The following PNPLA8 variants were observed in gnomAD, a reference collection of about 807,000 sequenced individuals.
PNPLA8 encodes patatin like domain 8, phospholipase A2, also known as calcium-independent phospholipase A2-gamma.
In PNPLA8, 39 loss-of-function variants were observed where a neutral mutation model predicts 76.9. The ratio of observed to expected loss-of-function variants is 0.51; its 90% CI spans 0.39 to 0.66. The LOEUF is 0.66. Among genes scored for constraint, PNPLA8 ranks in the 30% least tolerant of loss-of-function variants. The probability of loss-of-function intolerance (pLI) is 0.00; values close to 1 mark genes in which losing one functional copy is unlikely to be tolerated. For synonymous variants in PNPLA8, 301 were observed against 307.9 expected (o/e 0.98, Z 0.24); for missense variants, 887 against 918.0 (o/e 0.97, Z 0.44).
chr7:108,486,550 T>A (rs934423922), intron 9 of PNPLA8, among the ~76,000 whole-genome samples: 1 of 152,012 alleles, frequency 6.6e-6, no homozygotes, highest in African/African-American at 2.4e-5. Flanking sequence ...TTCTGCAAAG[T>A]AAGAAATGGT....
chr7:108,525,709 GCAGA>G (rs1013172239), intron 1 of PNPLA8, among the ~76,000 whole-genome samples: 1 of 152,254 alleles, frequency 6.6e-6, no homozygotes, highest in Non-Finnish European at 1.5e-5. Flanking sequence ...CCAGGGGAAG[GCAGA>G]CAGACTCTGG....
chr7:108,493,696 T>C (rs770676956), intron 7 of PNPLA8, among the ~76,000 whole-genome samples: 3 of 150,642 alleles, frequency 2.0e-5, no homozygotes, highest in East Asian at 2.0e-4. Context: ...ACAATGATAA[T>C]GGATGGGAAG....
chr7:108,505,342 ATATATATATATTTTTTTTTTT>A (rs1862320782), intron 4 of PNPLA8, among the ~76,000 whole-genome samples: 1 of 5,506 alleles, frequency 1.8e-4, no homozygotes, highest in African/African-American at 9.9e-4. Context: ...ATATATATAT[ATATATATATATTTTTTTTTTT>A]TTTTTTTTTT....
intron 4 of PNPLA8, among the ~76,000 whole-genome samples, chr7:108,503,288 G>A (rs1862097130): frequency 6.6e-6 from 1 of 152,174 alleles, no homozygotes; most frequent in East Asian, 1.9e-4. Flanking sequence ...TCTAGCTTCT[G>A]TACACAGAAG....
intron 1 of PNPLA8, among the ~76,000 whole-genome samples, chr7:108,523,205 T>G (rs919930912): frequency 6.6e-6 from 1 of 152,194 alleles, no homozygotes; most frequent in African/African-American, 2.4e-5. Flanking sequence ...AATTGTTAGA[T>G]GGAGACCCAG....
intron 9 of PNPLA8, among the ~76,000 whole-genome samples, chr7:108,486,108 T>C (rs990095148): frequency 2.0e-5 from 3 of 152,086 alleles, no homozygotes; most frequent in Admixed American, 6.5e-5. Context: ...TTTGGTAATA[T>C]ATATTCAACA....
intron 2 of PNPLA8, among the ~76,000 whole-genome samples, chr7:108,516,850 C>A (rs565949946): frequency 6.6e-6 from 1 of 151,740 alleles, no homozygotes; most frequent in South Asian, 2.1e-4. Context: ...TACAGCGAGC[C>A]AAGATCGTGC....
intron 1 of PNPLA8, among the ~76,000 whole-genome samples, chr7:108,522,955 C>T (rs181684303): frequency 7.9e-5 from 12 of 152,230 alleles, no homozygotes; most frequent in Admixed American, 7.2e-4. Context: ...AGTTTAATTG[C>T]CCCCAAATCA....
intron 9 of PNPLA8, among the ~76,000 whole-genome samples, chr7:108,484,835 TA>T (rs774535159): frequency 6.6e-6 from 1 of 152,188 alleles, no homozygotes; most frequent in Non-Finnish European, 1.5e-5. Flanking sequence ...CAACTATGGT[TA>T]AAAATCTTTA....
intron 4 of PNPLA8, chr7:108,510,324 G>T: frequency 6.3e-6 from 10 of 1,586,072 alleles, no homozygotes; most frequent in Non-Finnish European, 8.6e-6. Flanking sequence ...AAGATGAAGC[G>T]CCTGAGAAAG....
intron 9 of PNPLA8, among the ~76,000 whole-genome samples, chr7:108,486,075 T>C (rs1860717396): frequency 6.6e-6 from 1 of 152,036 alleles, no homozygotes; most frequent in Non-Finnish European, 1.5e-5. Flanking sequence ...CTATCTGAAA[T>C]GGAAAAGGAA....
At chr7:108,484,635 T>C (rs1433055640) in intron 9 of PNPLA8, among the ~76,000 whole-genome samples, 2 of 152,186 alleles carry the variant, frequency 1.3e-5, no homozygotes, top group Admixed American at 1.3e-4. Flanking sequence ...CAATGACCCA[T>C]TTTTTATACA....
intron 1 of PNPLA8, among the ~76,000 whole-genome samples, chr7:108,522,324 A>C (rs1449857463): frequency 1.1e-4 from 17 of 151,842 alleles, no homozygotes; most frequent in Non-Finnish European, 2.5e-4. Context: ...AAAAAAAAAA[A>C]ACATTTACAA....
intron 4 of PNPLA8, chr7:108,510,429 C>T (rs1368602424): frequency 1.3e-6 from 2 of 1,495,406 alleles, no homozygotes; most frequent in Non-Finnish European, 1.8e-6. Context: ...ATGTACAGAA[C>T]TGAAATTCGA....
chr7:108,482,118 T>A (rs1860440663), intron 9 of PNPLA8, among the ~76,000 whole-genome samples: 1 of 152,218 alleles, frequency 6.6e-6, no homozygotes, highest in African/African-American at 2.4e-5. Flanking sequence ...ATGACTACTG[T>A]ACCTTTAGAG....
At chr7:108,506,032 T>C (rs1862394934) in intron 4 of PNPLA8, among the ~76,000 whole-genome samples, 1 of 152,068 alleles carries the variant, frequency 6.6e-6, no homozygotes, top group African/African-American at 2.4e-5. Context: ...AATAAAAAAT[T>C]AAAACCATAA....
chr7:108,489,622 C>A (rs1860994201), intron 8 of PNPLA8, among the ~76,000 whole-genome samples: 1 of 152,142 alleles, frequency 6.6e-6, no homozygotes, highest in South Asian at 2.1e-4. Flanking sequence ...AGCTGTGAAC[C>A]CCATGTCTGC....
At chr7:108,501,126 CA>C (rs1490984535) in intron 5 of PNPLA8, among the ~76,000 whole-genome samples, 1 of 151,958 alleles carries the variant, frequency 6.6e-6, no homozygotes, top group African/African-American at 2.4e-5. Context: ...TTGGTTATAC[CA>C]AAAAGCAAAA....
intron 1 of PNPLA8, among the ~76,000 whole-genome samples, chr7:108,521,824 C>T (rs936964044): frequency 1.3e-5 from 2 of 152,104 alleles, no homozygotes; most frequent in Admixed American, 1.3e-4. Flanking sequence ...TAAAGATGAA[C>T]CAAACCAAAA....
Sources: gnomAD v4.1 joint callset for allele counts (sites outside exome capture counted in the v4.1 genomes callset) on GRCh38, gnomAD v4.1.1 for gene constraint, MANE v1.5 for transcripts, NCBI Gene and HGNC (gene_info 2026-07-23, HGNC 2026-07-21) for gene names.